Variants in GLI3 observed in about 807,000 individuals in gnomAD.
GLI3 encodes transcription activator GLI3.
In GLI3, 20 loss-of-function variants were observed where a neutral mutation model predicts 100.8. That is an observed-to-expected ratio of 0.20 (90% CI 0.14 to 0.29). The LOEUF is 0.29. GLI3 is among the 10% of genes least tolerant of loss of function. The pLI is 1.00. For synonymous variants in GLI3, 938 were observed against 860.5 expected, an observed-to-expected ratio of 1.09 and a Z score of -1.58; for missense variants, 2,040 against 2,128.5, an observed-to-expected ratio of 0.96 and a Z score of 0.82.
intron 1 of GLI3, among the ~76,000 whole-genome samples, chr7:42,246,594 GCAGAACTGTACATA>G (rs1788974734): frequency 6.6e-6 from 1 of 150,798 alleles, no homozygotes; most frequent in African/African-American, 2.5e-5. Flanking sequence ...TTTTAAAAGA[GCAGAACTGTACATA>G]CAGAAAAACA....
At chr7:42,239,373 C>G (rs576171444), upstream of GLI3, among the ~76,000 whole-genome samples, 1 of 152,284 alleles carries the variant, frequency 6.6e-6, no homozygotes, top group South Asian at 2.1e-4. Context: ...ATGAGAAATA[C>G]ATGGAAAAGT....
At chr7:41,991,405 C>T (rs1255385226) in intron 10 of GLI3, among the ~76,000 whole-genome samples, 1 of 152,146 alleles carries the variant, frequency 6.6e-6, no homozygotes, top group Admixed American at 6.5e-5. Flanking sequence ...ATTTTTCAAT[C>T]AACTTTTATT....
intron 10 of GLI3, among the ~76,000 whole-genome samples, chr7:42,007,634 C>T (rs541899991): frequency 6.6e-6 from 1 of 152,206 alleles, no homozygotes; most frequent in South Asian, 2.1e-4. Flanking sequence ...GCACTCACAG[C>T]ACAAGACTAA....
chr7:42,208,446 C>CT (rs1788199056), intron 2 of GLI3, among the ~76,000 whole-genome samples: 1 of 152,176 alleles, frequency 6.6e-6, no homozygotes, highest in Non-Finnish European at 1.5e-5. Context: ...AGTGCCCTTG[C>CT]TTCAGCTGCA....
intron 12 of GLI3, among the ~76,000 whole-genome samples, chr7:41,976,984 G>C (rs903573874): frequency 1.5e-4 from 23 of 152,212 alleles, no homozygotes; most frequent in African/African-American, 5.5e-4. Context: ...TTAAGTAACT[G>C]CCTAGAAAGT....
intron 3 of GLI3, among the ~76,000 whole-genome samples, chr7:42,143,080 G>GCT (rs1348219383): frequency 6.6e-6 from 1 of 152,036 alleles, no homozygotes; most frequent in East Asian, 1.9e-4. Context: ...CTATTCTCAA[G>GCT]CTCACAAATA....
At chr7:42,097,412 T>C (rs950733980) in intron 3 of GLI3, among the ~76,000 whole-genome samples, 3 of 152,078 alleles carry the variant, frequency 2.0e-5, no homozygotes, top group African/African-American at 7.2e-5. Flanking sequence ...CCCCAGACGG[T>C]CTCAGCCTCA....
At chr7:42,092,933 C>T (rs1381361115) in intron 3 of GLI3, among the ~76,000 whole-genome samples, 4 of 151,882 alleles carry the variant, frequency 2.6e-5, no homozygotes, top group Admixed American at 6.5e-5. Context: ...CCTGCCTCAG[C>T]CTCCTGAGTA....
At chr7:41,968,741 A>ACAG (rs1787275909) in intron 13 of GLI3, among the ~76,000 whole-genome samples, 3 of 127,928 alleles carry the variant, frequency 2.3e-5, no homozygotes, top group African/African-American at 1.2e-4. Flanking sequence ...AGAAAGAAAG[A>ACAG]AAGAAAGAAA....
chr7:42,005,458 T>TACACACACACAC (rs3030321), intron 10 of GLI3, among the ~76,000 whole-genome samples: 2,595 of 143,588 alleles, frequency 0.018, 42 homozygotes, highest in East Asian at 0.03. Flanking sequence ...TGAATTCACA[T>TACACACACACAC]ACACACACAC....
At chr7:42,186,051 A>C (rs1787710591) in intron 2 of GLI3, among the ~76,000 whole-genome samples, 1 of 152,220 alleles carries the variant, frequency 6.6e-6, no homozygotes, top group South Asian at 2.1e-4. Context: ...CCCAGGTATA[A>C]AACACAGCCT....
In GLI3 at chr7:42,077,934, G is replaced by T. The variant is rs374811268; in HGVS notation, c.368-1077C>A. 1.1e-4 allele frequency among the ~76,000 whole-genome samples: 17 copies of T among 152,292 alleles called. No individual in the cohort carries two copies. The East Asian group carries it at 3.3e-3, about 29-fold the overall frequency. On this transcript the variant is annotated intron_variant, in intron 3 of 14. Transcript: ENST00000395925. ...AGGACATGTTCTTCAAATGTGACGG[G>T]TCCACACTGGTCATGCTGGGAGCCT...
At chr7:42,184,928 C>T (rs1208421373) in intron 2 of GLI3, among the ~76,000 whole-genome samples, 9 of 152,156 alleles carry the variant, frequency 5.9e-5, no homozygotes, top group Admixed American at 5.2e-4. Context: ...CCTGCTCCTC[C>T]CCTCTCTTCC....
chr7:42,166,900 A>T (rs1427144598), intron 2 of GLI3, among the ~76,000 whole-genome samples: 1 of 151,222 alleles, frequency 6.6e-6, no homozygotes, highest in African/African-American at 2.4e-5. Flanking sequence ...ATCTCGGCTC[A>T]CTGCACCCTC....
rs1016826353 is a variant in GLI3 at position 42,206,101 on chromosome 7, C to G, written c.124+17029G>C. The stretch of plus-strand genomic sequence containing the variant: ...TGACCAATATGGTGAAACCCCATCT[C>G]TACTAAAAATACAAAAATTAGCCAG... On this transcript the variant is annotated intron_variant, in intron 2 of 14. Transcript: ENST00000395925. 7.2e-5 allele frequency among the ~76,000 whole-genome samples: 11 copies of G among 151,986 alleles called. No homozygotes were observed. In the East Asian group the frequency reaches 1.2e-3, roughly 16 times the overall value.
intron 10 of GLI3, among the ~76,000 whole-genome samples, chr7:41,992,021 G>T (rs1788001004): frequency 6.6e-6 from 1 of 152,128 alleles, no homozygotes; most frequent in African/African-American, 2.4e-5. Flanking sequence ...GGAGTTGAGT[G>T]CCCTAAGGCA....
At chr7:42,129,310 T>C (rs574284450) in intron 3 of GLI3, among the ~76,000 whole-genome samples, 2 of 152,222 alleles carry the variant, frequency 1.3e-5, no homozygotes, top group South Asian at 4.1e-4. Flanking sequence ...AATTAGGATT[T>C]GAACTGAGGC....
rs1787030707 is a variant in GLI3, at chr7:41,962,239, G to A, written c.*2091C>T. 6.6e-6 allele frequency: 1 copy of A among 152,218 alleles called. No individual in the cohort carries two copies. Among genetic ancestry groups the A allele is most frequent in the Non-Finnish European group, 1.5e-5 (1 of 68,052 alleles). The allele number at this position is 152,218 out of a possible 1,614,324, so 9.4% of individuals were successfully genotyped here. A position where few individuals can be genotyped will look rare whatever the true frequency, so the allele number is the denominator to read the frequency against. ...CTTAGGAGGAGTGGAGAACACTCAGGCCCCATGCTTTGAAAACAAGAGTTG... is the reference window on the plus strand; with the variant it reads ...CTTAGGAGGAGTGGAGAACACTCAGACCCCATGCTTTGAAAACAAGAGTTG... On this transcript the variant is annotated 3_prime_UTR_variant, in exon 15 of 15. Coordinates refer to ENST00000395925, the MANE Select transcript of GLI3 (RefSeq NM_000168.6).
intron 2 of GLI3, among the ~76,000 whole-genome samples, chr7:42,220,469 G>A (rs766439599): frequency 6.6e-6 from 1 of 152,096 alleles, no homozygotes; most frequent in Non-Finnish European, 1.5e-5. Context: ...TGCACCCCAC[G>A]AGCTCTAAAC....
Sources: allele counts gnomAD v4.1 joint callset (sites outside exome capture counted in the v4.1 genomes callset), GRCh38; gene constraint gnomAD v4.1.1; transcripts MANE v1.5; gene names NCBI Gene and HGNC (gene_info 2026-07-23, HGNC 2026-07-21).